MARCHF8: variants seen among roughly 807,000 people sequenced by gnomAD.
MARCHF8 encodes the protein membrane associated ring-CH-type finger 8, also known as E3 ubiquitin-protein ligase MARCHF8.
A neutral mutation model predicts 51.6 loss-of-function variants in MARCHF8; 40 were observed. The observed-to-expected ratio is 0.77, with a 90% CI of 0.60 to 1.01. The LOEUF (loss-of-function observed/expected upper bound fraction) is 1.01. MARCHF8 is among the 50% of genes least tolerant of loss of function. MARCHF8 has a pLI of 0.00. For missense variants in MARCHF8, 685 were observed against 708.6 expected (o/e 0.97, Z 0.38); for synonymous variants, 263 against 280.3 (o/e 0.94, Z 0.62).
At chr10:45,519,913 C>T (rs1237189356) in intron 2 of MARCHF8, among the ~76,000 whole-genome samples, 1 of 152,162 alleles carries the variant, frequency 6.6e-6, no homozygotes, top group Non-Finnish European at 1.5e-5. Context: ...TAGTTTCTAG[C>T]CCAGGTGACT....
chr10:45,563,318 C>T (rs2044331026), intron 1 of MARCHF8, among the ~76,000 whole-genome samples: 2 of 152,266 alleles, frequency 1.3e-5, no homozygotes, highest in African/African-American at 4.8e-5. Flanking sequence ...TGAGCCACTG[C>T]GCCCAGCCCC....
chr10:45,457,799 C>T lies in MARCHF8; in HGVS notation c.*440G>A, dbSNP rs996974792. 27 of 160,146 alleles carry T rather than the reference C, an allele frequency of 1.7e-4. No homozygotes were observed. The highest frequency in any genetic ancestry group is 1.3e-3 in the Admixed American group (20 of 15,560). The allele number at this position is 160,146 out of a possible 1,614,324, so 9.9% of individuals were successfully genotyped here. On this transcript the variant is annotated 3_prime_UTR_variant, in exon 8 of 8. Transcript: ENST00000453424. ...TGTTTCAATACCATCTCCTGGGGTT[C>T]GCCGTGATGCAGAGGGAATCTTCTC...
At chr10:45,534,360 C>T (rs1029246412) in intron 1 of MARCHF8, among the ~76,000 whole-genome samples, 5 of 152,126 alleles carry the variant, frequency 3.3e-5, no homozygotes, top group African/African-American at 4.8e-5. Flanking sequence ...CCATGACATG[C>T]CTAAGAACCA....
At chr10:45,569,296 G>GT (rs1419015797) in intron 1 of MARCHF8, among the ~76,000 whole-genome samples, 2 of 151,932 alleles carry the variant, frequency 1.3e-5, no homozygotes, top group African/African-American at 4.8e-5. Flanking sequence ...TTTTTTGAGG[G>GT]TTTTTCAACA....
intron 1 of MARCHF8, among the ~76,000 whole-genome samples, chr10:45,544,473 T>A (rs1364835523): frequency 6.6e-6 from 1 of 152,172 alleles, no homozygotes; most frequent in Non-Finnish European, 1.5e-5. Flanking sequence ...ATATTCCAAA[T>A]GTCCACCAAC....
chr10:45,551,960 T>G (rs2044200668), intron 1 of MARCHF8, among the ~76,000 whole-genome samples: 1 of 152,178 alleles, frequency 6.6e-6, no homozygotes, highest in African/African-American at 2.4e-5. Flanking sequence ...GTACAAAGCC[T>G]GGCCTACTTA....
At chr10:45,560,782 G>A (rs1426021825) in intron 1 of MARCHF8, among the ~76,000 whole-genome samples, 3 of 152,212 alleles carry the variant, frequency 2.0e-5, no homozygotes, top group African/African-American at 7.2e-5. Context: ...AGCAGTAAGT[G>A]TAGCTGCTCC....
chr10:45,496,013 C>A (rs1243768773), intron 2 of MARCHF8, among the ~76,000 whole-genome samples: 1 of 151,910 alleles, frequency 6.6e-6, no homozygotes, highest in Non-Finnish European at 1.5e-5. Flanking sequence ...AGGCCAGAGA[C>A]AGTGGAAGGA....
chr10:45,542,238 T>C (rs1446328315), intron 1 of MARCHF8, among the ~76,000 whole-genome samples: 1 of 150,388 alleles, frequency 6.6e-6, no homozygotes, highest in Non-Finnish European at 1.5e-5. Context: ...CCCCAGCTAC[T>C]TGGTAGGCTG....
chr10:45,590,526 GACAA>G (rs1331867151), intron 1 of MARCHF8, among the ~76,000 whole-genome samples: 1 of 152,068 alleles, frequency 6.6e-6, no homozygotes, highest in Non-Finnish European at 1.5e-5. Flanking sequence ...GTACGCACCT[GACAA>G]ACAACAACTC....
intron 1 of MARCHF8, among the ~76,000 whole-genome samples, chr10:45,565,835 TAGTC>T (rs1428644764): frequency 6.6e-6 from 1 of 152,242 alleles, no homozygotes; most frequent in African/African-American, 2.4e-5. Flanking sequence ...CCTGCTACCT[TAGTC>T]AGCTGAGCAA....
At chr10:45,571,272 G>GA (rs1301129086) in intron 1 of MARCHF8, among the ~76,000 whole-genome samples, 1 of 152,122 alleles carries the variant, frequency 6.6e-6, no homozygotes, top group Non-Finnish European at 1.5e-5. Context: ...CAAAAGAAGT[G>GA]AAAATAGCCT....
At chr10:45,481,259 A>C (rs935884169) in intron 3 of MARCHF8, among the ~76,000 whole-genome samples, 56 of 152,348 alleles carry the variant, frequency 3.7e-4, no homozygotes, top group Non-Finnish European at 1.5e-4. Flanking sequence ...ACAGGCTCAC[A>C]GGTGGAAGGG....
At chr10:45,489,865 C>T (rs2043051417) in intron 2 of MARCHF8, among the ~76,000 whole-genome samples, 1 of 152,098 alleles carries the variant, frequency 6.6e-6, no homozygotes, top group Non-Finnish European at 1.5e-5. Context: ...GGACAGCTGA[C>T]CAGTCCTGGG....
intron 1 of MARCHF8, among the ~76,000 whole-genome samples, chr10:45,564,330 A>C (rs1227912945): frequency 6.6e-6 from 1 of 151,744 alleles, no homozygotes; most frequent in African/African-American, 2.4e-5. Context: ...AAAACAGAAA[A>C]GACTGAAAAT....
chr10:45,512,886 ATTC>A (rs968491958), intron 2 of MARCHF8, among the ~76,000 whole-genome samples: 1 of 151,970 alleles, frequency 6.6e-6, no homozygotes. Context: ...ACCAAGAAAA[ATTC>A]TTCTGCCTTG....
At chr10:45,512,046 C>T (rs1424495303) in intron 2 of MARCHF8, among the ~76,000 whole-genome samples, 37 of 149,656 alleles carry the variant, frequency 2.5e-4, no homozygotes, top group African/African-American at 6.2e-4. Context: ...AAGTAAGGAG[C>T]GTCTCTGCCC....
rs542188463 is a variant in MARCHF8 at position 45,575,265 on chromosome 10, T to C, written c.-79+18970A>G. Reference sequence around the variant, plus strand: ...CTATCTCACAGAGCAGTTTTTCTCCTTCTCATCTGGCCACTCCCACCTACT... The same window carrying C: ...CTATCTCACAGAGCAGTTTTTCTCCCTCTCATCTGGCCACTCCCACCTACT... On this transcript the variant is annotated intron_variant, in intron 1 of 6. Transcript: ENST00000319836. 2.0e-5 allele frequency among the ~76,000 whole-genome samples: 3 copies of C among 152,240 alleles called. No homozygotes were observed. In the East Asian group the frequency reaches 5.8e-4, roughly 29 times the overall value.
chr10:45,583,837 C>T (rs1197744776), intron 1 of MARCHF8, among the ~76,000 whole-genome samples: 3 of 151,078 alleles, frequency 2.0e-5, no homozygotes, highest in African/African-American at 7.3e-5. Flanking sequence ...AAAGCAGTAA[C>T]AAAAGAAAGC....
Sources: gnomAD v4.1 joint callset for allele counts (sites outside exome capture counted in the v4.1 genomes callset) on GRCh38, gnomAD v4.1.1 for gene constraint, MANE v1.5 for transcripts, NCBI Gene and HGNC (gene_info 2026-07-23, HGNC 2026-07-21) for gene names.